Variants in FBXO36 observed in about 807,000 individuals in gnomAD.
FBXO36 encodes F-box protein 36, also known as F-box only protein 36.
FBXO36 carries 18 observed loss-of-function variants against 17.0 expected under a neutral mutation model. The ratio of observed to expected loss-of-function variants is 1.06; its 90% confidence interval spans 0.73 to 1.57. The LOEUF (loss-of-function observed/expected upper bound fraction) is 1.57, where lower values mean the gene tolerates loss of function less well. Ranked by LOEUF, FBXO36 falls within the 40% of genes most tolerant of loss-of-function variation. The pLI is 0.00. For synonymous variants in FBXO36, 83 were observed against 85.3 expected, an observed-to-expected ratio of 0.97 and a Z score of 0.15; for missense variants, 229 against 221.9, an observed-to-expected ratio of 1.03 and a Z score of -0.20.
intron 1 of FBXO36, among the ~76,000 whole-genome samples, 175 bp from the exon 2 acceptor site, chr2:229,976,066 A>C (rs947725141): frequency 1.3e-5 from 2 of 152,212 alleles, no homozygotes; most frequent in Non-Finnish European, 2.9e-5. Context: ...TTAATCTCTA[A>C]GGAAAATGTT....
At position 229,995,592 on chromosome 2, in the gene FBXO36, C is replaced by CTTTTTTTTT. The variant is rs748422157; in HGVS notation, c.206-1156_206-1155insTTTTTTTTT. ...TTTCTTTCTTTCTTTCTCTTTCTTT[C>CTTTTTTTTT]TTTCTTTTTTTTTTTTTTGGACAGA... is the stretch of plus-strand genomic sequence containing the variant. On this transcript the variant is annotated intron_variant, in intron 2 of 3. Transcript: ENST00000283946. Among the ~76,000 whole-genome samples the CTTTTTTTTT allele has an allele frequency of 4.3e-4, 49 of 114,548 alleles. 1 individual carries two copies. Among genetic ancestry groups the CTTTTTTTTT allele is most frequent in the Non-Finnish European group, 6.3e-4 (35 of 55,178 alleles). The allele number at this position is 114,548 out of a possible 152,430, so 75.1% of individuals were successfully genotyped here. A position where few individuals can be genotyped will look rare whatever the true frequency, so the allele number is the denominator to read the frequency against.
At chr2:229,987,087 G>A (rs1004076800) in intron 2 of FBXO36, among the ~76,000 whole-genome samples, 1 of 151,494 alleles carries the variant, frequency 6.6e-6, no homozygotes, top group Non-Finnish European at 1.5e-5. Context: ...AGGCGTGTTG[G>A]CGCACAACTG....
In FBXO36 at chr2:230,011,598, C is replaced by CTTTTTTTTTTTTTTTTTTTGTT. The variant is rs5839351; in HGVS notation, c.*731_*732insTTGTTTTTTTTTTTTTTTTTTT. On this transcript the variant is annotated 3_prime_UTR_variant, in exon 4 of 4. Transcript: ENST00000283946. ...AACCTATAAACATTTCTTTTCTTTT[C>CTTTTTTTTTTTTTTTTTTTGTT]TTTTTTTTTTTTTTTTTGTATTTTC... The CTTTTTTTTTTTTTTTTTTTGTT allele has an allele frequency of 5.7e-5, 7 of 123,442 alleles. No individual in the cohort carries two copies. Among genetic ancestry groups the CTTTTTTTTTTTTTTTTTTTGTT allele is most frequent in the Non-Finnish European group, 6.5e-5 (4 of 61,976 alleles). 7.6% of individuals were successfully genotyped at this position (123,442 alleles called of 1,614,324 possible).
At chr2:229,964,359 C>T (rs1476975211) in intron 1 of FBXO36, among the ~76,000 whole-genome samples, 1 of 152,150 alleles carries the variant, frequency 6.6e-6, no homozygotes, top group African/African-American at 2.4e-5. Context: ...TTTCCTCTTC[C>T]ATCCCTAATT....
chr2:229,941,851 T>C (rs1336927704), intron 1 of FBXO36, among the ~76,000 whole-genome samples: 1 of 151,880 alleles, frequency 6.6e-6, no homozygotes, highest in Non-Finnish European at 1.5e-5. Context: ...ACCCTGTCTC[T>C]ACTAAAATAC....
At chr2:229,953,928 G>A (rs2077070507) in intron 1 of FBXO36, among the ~76,000 whole-genome samples, 3 of 151,942 alleles carry the variant, frequency 2.0e-5, no homozygotes, top group African/African-American at 7.3e-5. Flanking sequence ...GTGCAGTGGC[G>A]TGATCACAGC....
At chr2:229,973,854 C>T (rs2077193796) in intron 1 of FBXO36, among the ~76,000 whole-genome samples, 1 of 151,960 alleles carries the variant, frequency 6.6e-6, no homozygotes, top group Admixed American at 6.6e-5. Flanking sequence ...TGAGACCAGC[C>T]TGGGCAACTT....
chr2:229,954,704 C>G (rs2077076983), intron 1 of FBXO36, among the ~76,000 whole-genome samples: 1 of 151,442 alleles, frequency 6.6e-6, no homozygotes, highest in Admixed American at 6.6e-5. Context: ...CCCGCCATCA[C>G]GCCTGGCTAA....
At position 229,991,257 on chromosome 2, in the gene FBXO36, A is replaced by T. The variant is rs148802495; in HGVS notation, c.206-5494A>T. 6.6e-5 allele frequency among the ~76,000 whole-genome samples: 10 copies of T among 152,138 alleles called. No homozygotes were observed. In the East Asian group the frequency reaches 1.9e-3, roughly 29 times the overall value. On this transcript the variant is annotated intron_variant, in intron 2 of 3. Coordinates refer to ENST00000283946, the MANE Select transcript of FBXO36 (RefSeq NM_174899.5). ...GGCCTAATATCTTCTTTGACTCCTT[A>T]ATTATTCAGAAATGTGTTTAAAATT...
intron 1 of FBXO36, among the ~76,000 whole-genome samples, chr2:229,974,905 G>A (rs553957): frequency 0.98 from 148,590 of 152,272 alleles, 72,609 homozygotes; most frequent in East Asian, 1. Context: ...GTAGCCCCCA[G>A]TGTGACTGTA....
chr2:230,008,065 A>T (rs2077396224), intron 3 of FBXO36, among the ~76,000 whole-genome samples: 2 of 152,188 alleles, frequency 1.3e-5, no homozygotes, highest in Non-Finnish European at 2.9e-5. Context: ...TTAAGGTTGT[A>T]CAGATCAAAT....
chr2:229,942,603 A>C (rs1457255558), intron 1 of FBXO36: 3 of 152,460 alleles, frequency 2.0e-5, no homozygotes, highest in African/African-American at 7.2e-5. Flanking sequence ...GGGGGGGTCC[A>C]GGACAGCTCC....
chr2:229,944,694 A>G (rs1205930268), intron 1 of FBXO36, among the ~76,000 whole-genome samples: 2 of 147,478 alleles, frequency 1.4e-5, no homozygotes, highest in African/African-American at 2.5e-5. Context: ...CTGGGTTCAT[A>G]CCATTCTCCT....
At position 229,995,381 on chromosome 2, in the gene FBXO36, C is replaced by T. The variant is rs542016017; in HGVS notation, c.206-1370C>T. On this transcript the variant is annotated intron_variant, in intron 2 of 3. Coordinates refer to ENST00000283946, the MANE Select transcript of FBXO36 (RefSeq NM_174899.5). ...TTGGTTGATTCTTTATGAACTATTT[C>T]CTAATTTGAAAATAAGTGAACAGGT... Among the ~76,000 whole-genome samples, 4 of 151,958 alleles carry T rather than the reference C, an allele frequency of 2.6e-5. No individual in the cohort carries two copies. In the South Asian group the frequency reaches 8.3e-4, roughly 32 times the overall value.
chr2:229,990,899 A>G (rs1316282573), intron 2 of FBXO36, among the ~76,000 whole-genome samples: 5 of 152,096 alleles, frequency 3.3e-5, no homozygotes, highest in Non-Finnish European at 7.4e-5. Flanking sequence ...CAGTGAATTC[A>G]TTTTATTTAC....
At position 230,005,692 on chromosome 2, in the gene FBXO36, G is replaced by C. The variant is rs115000297; in HGVS notation, c.379-5004G>C. Among the ~76,000 whole-genome samples the C allele has an allele frequency of 2.3e-3, 357 of 152,196 alleles. 2 individuals carry two copies. The highest frequency in any genetic ancestry group is 8.2e-3 in the African/African-American group (339 of 41,504). On this transcript the variant is annotated intron_variant, in intron 3 of 3. Transcript: ENST00000283946. ...TTCATTCATTCATTTATTTGAGATG[G>C]AGTCTCACTCTGTTACTCAGGTCGG...
chr2:229,971,061 G>A (rs1212271799), intron 1 of FBXO36, among the ~76,000 whole-genome samples: 1 of 152,122 alleles, frequency 6.6e-6, no homozygotes, highest in Non-Finnish European at 1.5e-5. Flanking sequence ...TTTTACAAGT[G>A]ATAAAATCAT....
chr2:229,947,242 A>G (rs899919721), intron 1 of FBXO36, among the ~76,000 whole-genome samples: 1 of 152,190 alleles, frequency 6.6e-6, no homozygotes, highest in Non-Finnish European at 1.5e-5. Context: ...TAAGGCAGGA[A>G]GGGTTTTATG....
intron 3 of FBXO36, among the ~76,000 whole-genome samples, chr2:230,006,652 G>A (rs1276251675): frequency 1.3e-5 from 2 of 152,156 alleles, no homozygotes; most frequent in African/African-American, 4.8e-5. Flanking sequence ...CAGAGCAAAG[G>A]AAGAATATGG....
Sources: gnomAD v4.1 joint callset for allele counts (sites outside exome capture counted in the v4.1 genomes callset) on GRCh38, gnomAD v4.1.1 for gene constraint, MANE v1.5 for transcripts, NCBI Gene and HGNC (gene_info 2026-07-23, HGNC 2026-07-21) for gene names.